ORC4: variants seen among roughly 807,000 people sequenced by gnomAD.
ORC4 encodes origin recognition complex, subunit 4 homolog.
In ORC4, 55 loss-of-function variants were observed where a neutral mutation model predicts 63.9. That is an observed-to-expected ratio of 0.86 (90% CI 0.69 to 1.08). ORC4 has a LOEUF of 1.08. Ranked by LOEUF, ORC4 falls within the 50% of genes least tolerant of loss-of-function variation. The probability of loss-of-function intolerance (pLI) is 0.00; values close to 1 mark genes in which losing one functional copy is unlikely to be tolerated. For synonymous variants in ORC4, 150 were observed against 168.5 expected (o/e 0.89, Z 0.85); for missense variants, 511 against 504.4 (o/e 1.01, Z -0.13).
intron 1 of ORC4, among the ~76,000 whole-genome samples, chr2:148,014,146 T>C (rs1214523144): frequency 1.3e-5 from 2 of 152,116 alleles, no homozygotes; most frequent in Non-Finnish European, 2.9e-5. Flanking sequence ...GAATTCAGGA[T>C]GATTGTGTGC....
Position 147,938,373 on chromosome 2 carries a change from A to T in ORC4, c.979T>A (p.Cys327Ser). 6.2e-7 allele frequency: 1 copy of T among 1,600,536 alleles called. No individual in the cohort carries two copies. The highest frequency in any genetic ancestry group is 1.1e-5 in the South Asian group (1 of 90,796). Residue 327 changes from cysteine to serine, a missense_variant, in exon 12 of 14, where the codon TGT becomes AGT. Cys to Ser is a moderately radical substitution (Grantham distance 112). Coordinates refer to ENST00000392857, the MANE Select transcript of ORC4 (RefSeq NM_181741.4). ...IVHGLSVLEICLIIAMKHLND... is the reference protein window; with the variant it reads ...IVHGLSVLEISLIIAMKHLND... ...AAATGTTTCATTGCTATTATAAGAC[A>T]GATTTCCAAGACTGATAGACCTACA...
intron 2 of ORC4, among the ~76,000 whole-genome samples, chr2:147,974,684 C>CAATTA (rs1690431945): frequency 6.6e-6 from 1 of 151,138 alleles, no homozygotes; most frequent in Admixed American, 6.6e-5. Flanking sequence ...CACAAATAGG[C>CAATTA]TTTGTACAGG....
chr2:147,938,138 A>C lies in ORC4; in HGVS notation c.1122+8T>G. On this transcript the variant is annotated splice_region_variant and intron_variant, in intron 13 of 13. Coordinates refer to ENST00000392857, the MANE Select transcript of ORC4 (RefSeq NM_181741.4). ...TCTGTAGAAAAATGACAGCAAACTA[A>C]ATCTTACCTTCATGACAACAGGTTT... is the stretch of plus-strand genomic sequence containing the variant. 1 of 1,592,794 alleles carries C rather than the reference A, an allele frequency of 6.3e-7. No homozygotes were observed. The highest frequency in any genetic ancestry group is 8.6e-7 in the Non-Finnish European group (1 of 1,161,194).
intron 1 of ORC4, among the ~76,000 whole-genome samples, chr2:147,977,341 A>C (rs923780347): frequency 6.6e-6 from 1 of 152,226 alleles, no homozygotes; most frequent in Non-Finnish European, 1.5e-5. Context: ...TTTTACTGCC[A>C]GAACTCATAA....
Position 147,935,603 on chromosome 2 carries a change from CA to C in ORC4, c.1217del (p.Leu406TrpfsTer7). On this transcript the variant is annotated frameshift_variant, in exon 14 of 14. Transcript: ENST00000392857. LOFTEE classifies it high-confidence loss of function. Reference sequence around the variant, plus strand: ...GAGCATTCATAATTTGAGTATTATCCAAAAGCAGTTTCATCAGCTGGTACTC... The same window carrying C: ...GAGCATTCATAATTTGAGTATTATCCAAAGCAGTTTCATCAGCTGGTACTC... ...QREYQLMKLL[L>X]DNTQIMNALQ... 6.2e-7 allele frequency: 1 copy of C among 1,613,598 alleles called. No individual in the cohort carries two copies. The highest frequency in any genetic ancestry group is 8.5e-7 in the Non-Finnish European group (1 of 1,179,652).
At chr2:147,995,318 C>T (rs1053408104) in intron 1 of ORC4, among the ~76,000 whole-genome samples, 3 of 152,250 alleles carry the variant, frequency 2.0e-5, no homozygotes, top group East Asian at 1.9e-4. Flanking sequence ...TGTGTAAAAA[C>T]GCACCACTCA....
At chr2:147,958,120 T>G (rs550549348) in intron 6 of ORC4, among the ~76,000 whole-genome samples, 178 bp downstream of exon 6, 14 of 152,300 alleles carry the variant, frequency 9.2e-5, no homozygotes, top group African/African-American at 3.4e-4. Context: ...AATCCAAGTA[T>G]TGTAGACTTA....
At chr2:147,940,096 C>T (rs1417528977) in intron 10 of ORC4, among the ~76,000 whole-genome samples, 1 of 152,206 alleles carries the variant, frequency 6.6e-6, no homozygotes, top group African/African-American at 2.4e-5. Context: ...CATTCTCCTA[C>T]TGGTTGGGAC....
chr2:147,973,182 G>C (rs1010435797), intron 3 of ORC4, among the ~76,000 whole-genome samples: 4 of 152,106 alleles, frequency 2.6e-5, no homozygotes, highest in South Asian at 2.1e-4. Context: ...TGGGTATTAA[G>C]GGCAAGATGG....
intron 1 of ORC4, among the ~76,000 whole-genome samples, chr2:148,004,054 G>A (rs1162735066): frequency 6.6e-6 from 1 of 152,174 alleles, no homozygotes; most frequent in Non-Finnish European, 1.5e-5. Context: ...ACTTATAAGG[G>A]ATGTGAAGGA....
At chr2:147,950,912 A>G (rs1417889776) in intron 8 of ORC4, among the ~76,000 whole-genome samples, 5 of 152,028 alleles carry the variant, frequency 3.3e-5, no homozygotes, top group African/African-American at 1.2e-4. Context: ...GGTCAACAAC[A>G]CTCACCACAG....
chr2:147,939,289 T>A (rs758252063), intron 10 of ORC4, 41 bp from the exon 11 acceptor site: 1 of 1,266,024 alleles, frequency 7.9e-7, no homozygotes. Context: ...CGTATTTACA[T>A]GGGCATTTTG....
intron 9 of ORC4, 83 bp from the exon 10 acceptor site, chr2:147,943,605 G>C: frequency 1.3e-6 from 1 of 773,404 alleles, no homozygotes; most frequent in Non-Finnish European, 2.2e-6. Context: ...CTTACTGGTT[G>C]GTGTACCTTA....
chr2:147,993,900 T>C (rs985134440), intron 1 of ORC4, among the ~76,000 whole-genome samples: 1 of 152,200 alleles, frequency 6.6e-6, no homozygotes, highest in Non-Finnish European at 1.5e-5. Context: ...TCATTCTTTA[T>C]ATACCTTTTC....
At position 147,972,771 on chromosome 2, in the gene ORC4, TAAG is replaced by T. The variant is rs746794311; in HGVS notation, c.190_192del (p.Leu64del). On this transcript the variant is annotated inframe_deletion, in exon 4 of 14. Coordinates refer to ENST00000392857, the MANE Select transcript of ORC4 (RefSeq NM_181741.4). Reference sequence around the variant, plus strand: ...TTTCCTGATCCTCGGGGTCCGATAATAAGGACAGAGTTACTCTCTCCATGGAGA... The same window carrying T: ...TTTCCTGATCCTCGGGGTCCGATAATGACAGAGTTACTCTCTCCATGGAGA... The T allele has an allele frequency of 1.2e-6, 2 of 1,610,608 alleles. No homozygotes were observed. Among genetic ancestry groups the T allele is most frequent in the Admixed American group, 3.3e-5 (2 of 59,926 alleles).
chr2:147,948,173 G>T lies in ORC4; in HGVS notation c.640C>A (p.Gln214Lys). 6.2e-7 allele frequency: 1 copy of T among 1,609,822 alleles called. No homozygotes were observed. The highest frequency in any genetic ancestry group is 8.5e-7 in the Non-Finnish European group (1 of 1,177,140). ...CCAAATGAATTCATTAAGTGTATCT[G>T]CCGGTGAGAAAATCTTGACTTCACT... ...KRVKSRFSHR[Q>K]IHLMNSFGFP... The change falls in exon 9 of 14, where the codon CAG becomes AAG. Residue 214 changes from glutamine (Q) to lysine (K), a missense_variant. Coordinates refer to ENST00000392857, the MANE Select transcript of ORC4 (RefSeq NM_181741.4).
At chr2:147,969,949 T>C (rs189406462) in intron 4 of ORC4, among the ~76,000 whole-genome samples, 2 of 151,878 alleles carry the variant, frequency 1.3e-5, no homozygotes, top group African/African-American at 4.8e-5. Flanking sequence ...CATAACTGTC[T>C]AAGTAAAAAA....
At chr2:147,955,123 G>A (rs1381513684) in intron 7 of ORC4, among the ~76,000 whole-genome samples, 1 of 151,736 alleles carries the variant, frequency 6.6e-6, no homozygotes. Context: ...ATAATATACT[G>A]ATATAAAGAT....
chr2:147,960,323 AT>A, intron 4 of ORC4: 3 of 980,898 alleles, frequency 3.1e-6, no homozygotes, highest in Non-Finnish European at 3.6e-6. Flanking sequence ...TGATAAATAT[AT>A]TAGCAAGTGA....
Sources: gnomAD v4.1 joint callset for allele counts (sites outside exome capture counted in the v4.1 genomes callset) on GRCh38, gnomAD v4.1.1 for gene constraint, MANE v1.5 for transcripts, NCBI Gene and HGNC (gene_info 2026-07-23, HGNC 2026-07-21) for gene names.